The following CATSPER3 variants were observed in gnomAD, a reference collection of about 807,000 sequenced individuals.
CATSPER3 encodes cation channel sperm-associated protein 3.
In CATSPER3, 23 loss-of-function variants were observed where a neutral mutation model predicts 36.6. The observed-to-expected ratio is 0.63, with a 90% CI of 0.45 to 0.89. CATSPER3 has a LOEUF of 0.89. CATSPER3 is among the 40% of genes least tolerant of loss of function. CATSPER3 has a pLI of 0.00. For synonymous variants in CATSPER3, 172 were observed against 184.1 expected (o/e 0.93, Z 0.53); for missense variants, 474 against 503.9 (o/e 0.94, Z 0.57).
chr5:134,997,710 C>T (rs951779271), intron 3 of CATSPER3, among the ~76,000 whole-genome samples: 1 of 152,186 alleles, frequency 6.6e-6, no homozygotes, highest in Non-Finnish European at 1.5e-5. Flanking sequence ...TCCTCCTCTG[C>T]TCCCTCTGCA....
At chr5:134,998,048 A>T (rs1039472884) in intron 3 of CATSPER3, among the ~76,000 whole-genome samples, 1 of 151,988 alleles carries the variant, frequency 6.6e-6, no homozygotes, top group African/African-American at 2.4e-5. Flanking sequence ...CATTAGGTAT[A>T]TCTCCTAATA....
chr5:134,983,010 A>C (rs781588980), intron 2 of CATSPER3, among the ~76,000 whole-genome samples: 2 of 152,172 alleles, frequency 1.3e-5, no homozygotes, highest in Non-Finnish European at 1.5e-5. Context: ...TTAAGAGGTT[A>C]ATTATAATCC....
intron 3 of CATSPER3, among the ~76,000 whole-genome samples, chr5:135,004,493 C>T (rs547127713): frequency 7.4e-4 from 112 of 152,240 alleles, no homozygotes; most frequent in African/African-American, 1.9e-3. Flanking sequence ...GGCAGGTGGA[C>T]GGGAAAGAAG....
chr5:134,991,499 GTCAA>G (rs1382241020), intron 2 of CATSPER3, among the ~76,000 whole-genome samples: 1 of 152,188 alleles, frequency 6.6e-6, no homozygotes, highest in Admixed American at 6.5e-5. Flanking sequence ...AATATCTATG[GTCAA>G]TTGATTTTTT....
intron 2 of CATSPER3, among the ~76,000 whole-genome samples, chr5:134,971,095 G>A (rs980192471): frequency 6.6e-5 from 10 of 151,760 alleles, no homozygotes; most frequent in East Asian, 2.0e-4. Flanking sequence ...GATTACAGGC[G>A]CCCGCCACAA....
intron 3 of CATSPER3, 122 bp from the exon 4 acceptor site, chr5:135,007,835 C>A: frequency 2.3e-6 from 1 of 431,558 alleles, no homozygotes; most frequent in East Asian, 7.4e-5. Context: ...GAGCATCTAC[C>A]TTGTGCCAGG....
intron 2 of CATSPER3, among the ~76,000 whole-genome samples, chr5:134,991,258 G>A (rs1056609052): frequency 6.6e-6 from 1 of 152,154 alleles, no homozygotes; most frequent in Non-Finnish European, 1.5e-5. Context: ...AATTCCAATA[G>A]TGTTTTTTAT....
At chr5:134,974,850 G>A (rs1751648939) in intron 2 of CATSPER3, among the ~76,000 whole-genome samples, 1 of 152,166 alleles carries the variant, frequency 6.6e-6, no homozygotes, top group South Asian at 2.1e-4. Flanking sequence ...CATCATGTTA[G>A]GTATAGGACT....
rs180717180 is a variant in CATSPER3 at position 134,996,020 on chromosome 5, C to T, written c.253-253C>T. ...GCTAGAGCTTATACAGTCATTCTGTCTGCCAGGCAGTCATTCCCAAGTACC... is the reference window on the plus strand; with the variant it reads ...GCTAGAGCTTATACAGTCATTCTGTTTGCCAGGCAGTCATTCCCAAGTACC... On this transcript the variant is annotated intron_variant, in intron 2 of 7. Transcript: ENST00000282611. Among the ~76,000 whole-genome samples the T allele has an allele frequency of 3.0e-3, 450 of 152,354 alleles. 2 individuals are homozygous for T. Among genetic ancestry groups the T allele is most frequent in the South Asian group, 8.5e-3 (41 of 4,834 alleles).
chr5:134,968,052 A>G lies in CATSPER3; in HGVS notation c.61A>G (p.Thr21Ala), dbSNP rs182615793. 5.6e-6 allele frequency: 9 copies of G among 1,614,022 alleles called. No homozygotes were observed. In the Admixed American group the frequency reaches 1.0e-4, roughly 18 times the overall value. The change falls in exon 1 of 8, where the codon ACA (threonine) becomes GCA (alanine). Residue 21 changes from threonine to alanine, a missense_variant. Thr to Ala is a moderately conservative substitution (Grantham distance 58). Transcript: ENST00000282611. The part of the protein sequence containing the change: ...RVISSSPVDT[T>A]SVGFCPTFKK... ...CATTTCTAGTTCACCAGTTGACACT[A>G]CATCGGTGGGATTTTGCCCAACATT...
intron 2 of CATSPER3, among the ~76,000 whole-genome samples, chr5:134,978,778 G>A (rs1751713341): frequency 6.6e-6 from 1 of 150,916 alleles, no homozygotes; most frequent in Non-Finnish European, 1.5e-5. Context: ...GGAGTGCAGT[G>A]GGGCCATCTT....
Position 135,010,457 on chromosome 5 carries a change from G to T in CATSPER3, c.1021G>T (p.Asp341Tyr), listed in dbSNP as rs373800376. The change falls in exon 7 of 8, where the codon GAT becomes TAT. Residue 341 changes from aspartate to tyrosine, a missense_variant. Coordinates refer to ENST00000282611, the MANE Select transcript of CATSPER3 (RefSeq NM_178019.3). The part of the protein sequence containing the change: ...LSHTDPMVLD[D>Y]FGTSLPFIDI... ...CCACACTGACCCAATGGTCTTGGAT[G>T]ATTTTGGCACTAGCTTACCCTTCAT... The T allele has an allele frequency of 6.8e-6, 11 of 1,613,860 alleles. No homozygotes were observed. The highest frequency in any genetic ancestry group is 1.7e-5 in the Admixed American group (1 of 60,020).
chr5:135,008,554 T>C (rs1752120082), intron 4 of CATSPER3, among the ~76,000 whole-genome samples: 2 of 152,008 alleles, frequency 1.3e-5, no homozygotes, highest in African/African-American at 2.4e-5. Context: ...GGGGTCTTTT[T>C]AAAGGTGGGC....
At chr5:134,974,767 C>T (rs956953145) in intron 2 of CATSPER3, among the ~76,000 whole-genome samples, 1 of 152,086 alleles carries the variant, frequency 6.6e-6, no homozygotes, top group Non-Finnish European at 1.5e-5. Flanking sequence ...CACTTGGCAC[C>T]ACTTCTGTGA....
chr5:134,994,901 C>T (rs899723281), intron 2 of CATSPER3, among the ~76,000 whole-genome samples: 3 of 152,028 alleles, frequency 2.0e-5, no homozygotes, highest in African/African-American at 2.4e-5. Context: ...AGACCTCTGT[C>T]GACCACCTTT....
At chr5:134,982,886 G>C (rs1293181837) in intron 2 of CATSPER3, among the ~76,000 whole-genome samples, 1 of 152,194 alleles carries the variant, frequency 6.6e-6, no homozygotes, top group Non-Finnish European at 1.5e-5. Flanking sequence ...ATGTTTGAAG[G>C]AGTAGTTTAT....
chr5:134,998,496 C>T (rs1751980203), intron 3 of CATSPER3, among the ~76,000 whole-genome samples: 1 of 152,226 alleles, frequency 6.6e-6, no homozygotes, highest in Admixed American at 6.5e-5. Flanking sequence ...AATCGCCACA[C>T]TGTCTTCCAC....
chr5:134,968,921 T>C (rs1364993155), intron 1 of CATSPER3: 1 of 152,206 alleles, frequency 6.6e-6, no homozygotes, highest in African/African-American at 2.4e-5. Context: ...GCTGATTTTT[T>C]CTACTGCTGA....
At chr5:134,992,404 C>T (rs1403786565) in intron 2 of CATSPER3, among the ~76,000 whole-genome samples, 1 of 152,030 alleles carries the variant, frequency 6.6e-6, no homozygotes, top group Non-Finnish European at 1.5e-5. Flanking sequence ...CAATTTCACA[C>T]CTATTAGAAT....
Sources: allele counts gnomAD v4.1 joint callset (sites outside exome capture counted in the v4.1 genomes callset), GRCh38; gene constraint gnomAD v4.1.1; transcripts MANE v1.5; gene names NCBI Gene and HGNC (gene_info 2026-07-23, HGNC 2026-07-21).